Variants in TMEM150C observed in about 807,000 individuals in gnomAD.
The protein encoded by TMEM150C is tentonin 3.
Under a neutral mutation model 29.9 loss-of-function variants are expected in TMEM150C, and 10 were observed. The observed-to-expected ratio is 0.33, with a 90% confidence interval of 0.21 to 0.57. The LOEUF (loss-of-function observed/expected upper bound fraction) is 0.57. Among genes scored for constraint, TMEM150C ranks in the 20% least tolerant of loss-of-function variants. The pLI is 0.88. For synonymous variants in TMEM150C, 101 were observed against 112.5 expected (o/e 0.90, Z 0.64); for missense variants, 251 against 303.6 (o/e 0.83, Z 1.29).
At chr4:82,555,578 C>T (rs150652303) in intron 1 of TMEM150C, among the ~76,000 whole-genome samples, 2 of 152,326 alleles carry the variant, frequency 1.3e-5, no homozygotes, top group East Asian at 3.9e-4. Flanking sequence ...CAGAAAATAA[C>T]TGGCATCAGC....
intron 1 of TMEM150C, among the ~76,000 whole-genome samples, chr4:82,505,148 C>G (rs913695088): frequency 6.6e-6 from 1 of 152,160 alleles, no homozygotes; most frequent in African/African-American, 2.4e-5. Context: ...AAACAGTTAA[C>G]ATGGATGATT....
intron 1 of TMEM150C, among the ~76,000 whole-genome samples, chr4:82,554,443 A>G (rs965679619): frequency 1.1e-4 from 16 of 152,230 alleles, no homozygotes; most frequent in Admixed American, 5.2e-4. Context: ...CAGAATGAAA[A>G]TAACTTGAAA....
At chr4:82,500,372 G>C (rs1291973421) in intron 5 of TMEM150C, among the ~76,000 whole-genome samples, 2 of 152,230 alleles carry the variant, frequency 1.3e-5, no homozygotes, top group Admixed American at 1.3e-4. Flanking sequence ...GGTATCCACA[G>C]TTTAGAGGAG....
At position 82,504,575 on chromosome 4, in the gene TMEM150C, C is replaced by T; in HGVS notation, c.80+3G>A. On this transcript the variant is annotated splice_donor_region_variant and intron_variant, in intron 2 of 7. Transcript: ENST00000449862. ...TTAAATAATTAAATGAGCAAATACTCACACTATCCACAATCCAGCTGAAGT... is the reference window on the plus strand; with the variant it reads ...TTAAATAATTAAATGAGCAAATACTTACACTATCCACAATCCAGCTGAAGT... 6.2e-7 allele frequency: 1 copy of T among 1,609,546 alleles called. No individual in the cohort carries two copies. Among genetic ancestry groups the T allele is most frequent in the East Asian group, 2.2e-5 (1 of 44,854 alleles).
chr4:82,489,469 C>T (rs1980186), intron 7 of TMEM150C, among the ~76,000 whole-genome samples: 145,163 of 152,158 alleles, frequency 0.95, 69,305 homozygotes, highest in East Asian at 1. Flanking sequence ...TTCATCCCCA[C>T]CTGGCTCCTA....
rs546495342 is a variant in TMEM150C at position 82,508,627 on chromosome 4, G to A, written c.-10-3960C>T. Among the ~76,000 whole-genome samples the A allele has an allele frequency of 4.6e-5, 7 of 152,036 alleles. No individual in the cohort carries two copies. In the South Asian group the frequency reaches 8.3e-4, roughly 18 times the overall value. On this transcript the variant is annotated intron_variant, in intron 1 of 7. Coordinates refer to ENST00000449862, the MANE Select transcript of TMEM150C (RefSeq NM_001080506.3). Reference sequence around the variant, plus strand: ...ATTACAGGCACCTGCCACCACACCCGGCTAATTTTTATATTTTTAGTAGAC... The same window carrying A: ...ATTACAGGCACCTGCCACCACACCCAGCTAATTTTTATATTTTTAGTAGAC...
At chr4:82,489,616 T>C (rs1427055175) in intron 7 of TMEM150C, among the ~76,000 whole-genome samples, 2 of 152,146 alleles carry the variant, frequency 1.3e-5, no homozygotes, top group Non-Finnish European at 2.9e-5. Context: ...AAAGCTTCAT[T>C]ATTTTCCTGA....
chr4:82,521,795 G>GT (rs1724496327), intron 1 of TMEM150C, among the ~76,000 whole-genome samples: 1 of 152,234 alleles, frequency 6.6e-6, no homozygotes, highest in Non-Finnish European at 1.5e-5. Context: ...GTCAGACTGT[G>GT]TGGGGCCAGG....
intron 1 of TMEM150C, among the ~76,000 whole-genome samples, chr4:82,532,598 G>T (rs1424090840): frequency 6.6e-6 from 1 of 151,916 alleles, no homozygotes; most frequent in Admixed American, 6.6e-5. Flanking sequence ...ACTGATGGGG[G>T]TATGTGTGTG....
At chr4:82,552,499 C>A (rs1725612117) in intron 1 of TMEM150C, among the ~76,000 whole-genome samples, 1 of 152,132 alleles carries the variant, frequency 6.6e-6, no homozygotes, top group African/African-American at 2.4e-5. Context: ...TGTCCACTGG[C>A]CTTCATGTGT....
intron 5 of TMEM150C, among the ~76,000 whole-genome samples, chr4:82,501,472 C>T (rs565012153): frequency 3.3e-5 from 5 of 152,188 alleles, no homozygotes; most frequent in Non-Finnish European, 5.9e-5. Context: ...TTCCGGACAC[C>T]TCCTGCTTTG....
At chr4:82,555,211 A>C (rs1370207647) in intron 1 of TMEM150C, among the ~76,000 whole-genome samples, 3 of 152,186 alleles carry the variant, frequency 2.0e-5, no homozygotes, top group Admixed American at 6.5e-5. Flanking sequence ...TTTTCTATTT[A>C]TTTTATTAAA....
chr4:82,562,040 C>G, upstream of TMEM150C: 1 of 1,155,822 alleles, frequency 8.7e-7, no homozygotes, highest in South Asian at 1.6e-5. Context: ...CCGCCCGGCC[C>G]CCTCCTGCCG....
Position 82,483,899 on chromosome 4 carries a change from C to T in TMEM150C, c.*1612G>A, listed in dbSNP as rs1014936565. ...CTGCCTCCCGGGTTCAAGTGATTCT[C>T]CTGCCTCCGCCTCCTGAGTAGCCGG... On this transcript the variant is annotated 3_prime_UTR_variant, in exon 8 of 8. Coordinates refer to ENST00000449862, the MANE Select transcript of TMEM150C (RefSeq NM_001080506.3). 1.3e-5 allele frequency: 2 copies of T among 151,210 alleles called. No homozygotes were observed. Among genetic ancestry groups the T allele is most frequent in the South Asian group, 2.1e-4 (1 of 4,796 alleles). 9.4% of individuals were successfully genotyped at this position (151,210 alleles called of 1,614,324 possible).
intron 1 of TMEM150C, among the ~76,000 whole-genome samples, chr4:82,544,473 A>G (rs72895792): frequency 2.2e-3 from 337 of 152,336 alleles, no homozygotes; most frequent in African/African-American, 7.7e-3. Flanking sequence ...AGAGTTGACC[A>G]GTATCATTAA....
chr4:82,537,657 A>T (rs1725055607), intron 1 of TMEM150C, among the ~76,000 whole-genome samples: 1 of 152,190 alleles, frequency 6.6e-6, no homozygotes, highest in African/African-American at 2.4e-5. Context: ...TTAGTTAAGG[A>T]TCTTGAGAAG....
intron 1 of TMEM150C, among the ~76,000 whole-genome samples, chr4:82,510,774 T>C (rs949419569): frequency 2.6e-5 from 4 of 152,312 alleles, no homozygotes; most frequent in Middle Eastern, 6.8e-3. Context: ...CAGGGCCAAC[T>C]GGAATGAAGC....
chr4:82,540,745 T>C (rs1043343319), intron 1 of TMEM150C, among the ~76,000 whole-genome samples: 2 of 152,216 alleles, frequency 1.3e-5, no homozygotes, highest in Non-Finnish European at 2.9e-5. Flanking sequence ...GTGTACAACA[T>C]GATGTTTTGA....
chr4:82,490,772 T>C, intron 6 of TMEM150C: 1 of 389,050 alleles, frequency 2.6e-6, no homozygotes, highest in Non-Finnish European at 4.9e-6. Context: ...TGAAGGAAAA[T>C]TTGTATTACT....
Sources: allele counts gnomAD v4.1 joint callset (sites outside exome capture counted in the v4.1 genomes callset), GRCh38; gene constraint gnomAD v4.1.1; transcripts MANE v1.5; gene names NCBI Gene and HGNC (gene_info 2026-07-23, HGNC 2026-07-21).